Variants in HS6ST1 observed in about 807,000 individuals in gnomAD.
The protein encoded by HS6ST1 is heparan sulfate 6-O-sulfotransferase 1, also known as heparan-sulfate 6-O-sulfotransferase 1.
HS6ST1 carries 3 observed loss-of-function variants against 25.2 expected under a neutral mutation model. The observed-to-expected ratio is 0.12, with a 90% confidence interval of 0.05 to 0.31. HS6ST1 has a LOEUF of 0.31. HS6ST1 is among the 10% of genes least tolerant of loss of function. The pLI is 1.00. For missense variants in HS6ST1, 310 were observed against 609.6 expected (o/e 0.51, Z 5.18); for synonymous variants, 204 against 275.1 (o/e 0.74, Z 2.56).
chr2:128,315,023 T>G (rs1321903837), intron 1 of HS6ST1, among the ~76,000 whole-genome samples: 1 of 151,954 alleles, frequency 6.6e-6, no homozygotes, highest in Admixed American at 6.6e-5. Flanking sequence ...TCTAACCGAG[T>G]GGTCCCTGGA....
At chr2:128,310,952 G>A (rs1044159472) in intron 1 of HS6ST1, among the ~76,000 whole-genome samples, 1 of 151,970 alleles carries the variant, frequency 6.6e-6, no homozygotes. Context: ...GCGGGGTCTC[G>A]CATGATGTGT....
At chr2:128,274,480 G>C (rs1693660442) in intron 1 of HS6ST1, among the ~76,000 whole-genome samples, 1 of 152,156 alleles carries the variant, frequency 6.6e-6, no homozygotes, top group African/African-American at 2.4e-5. Flanking sequence ...CAAAGACTTA[G>C]GAAATTTACC....
chr2:128,298,585 C>T (rs897005084), intron 1 of HS6ST1, among the ~76,000 whole-genome samples: 9 of 152,180 alleles, frequency 5.9e-5, no homozygotes, highest in Non-Finnish European at 1.3e-4. Context: ...TATAATTCCA[C>T]TTAAATCCGC....
chr2:128,301,841 G>T (rs1474844509), intron 1 of HS6ST1, among the ~76,000 whole-genome samples: 1 of 152,198 alleles, frequency 6.6e-6, no homozygotes. Context: ...GGCAGCATGT[G>T]TTCCTGGGCC....
intron 1 of HS6ST1, among the ~76,000 whole-genome samples, chr2:128,306,586 C>T (rs1033286101): frequency 3.9e-5 from 6 of 152,184 alleles, no homozygotes; most frequent in Admixed American, 6.5e-5. Flanking sequence ...TCCTGCAAGC[C>T]CTGCAGCAGA....
chr2:128,282,982 C>A (rs1381521389), intron 1 of HS6ST1, among the ~76,000 whole-genome samples: 1 of 152,206 alleles, frequency 6.6e-6, no homozygotes, highest in African/African-American at 2.4e-5. Flanking sequence ...TCCATCCTCA[C>A]TGCCAGGGGG....
chr2:128,311,645 G>A (rs1384343788), intron 1 of HS6ST1, among the ~76,000 whole-genome samples: 1 of 152,252 alleles, frequency 6.6e-6, no homozygotes, highest in African/African-American at 2.4e-5. Flanking sequence ...ACATGGGATG[G>A]TGATGGCACC....
chr2:128,317,081 C>G (rs992985382), intron 1 of HS6ST1, among the ~76,000 whole-genome samples: 1 of 152,246 alleles, frequency 6.6e-6, no homozygotes, highest in African/African-American at 2.4e-5. Flanking sequence ...AAAGGCCCCG[C>G]AGGGCATCCC....
chr2:128,291,157 A>C (rs4662789), intron 1 of HS6ST1, among the ~76,000 whole-genome samples: 29,203 of 152,236 alleles, frequency 0.19, 2,998 homozygotes, highest in Non-Finnish European at 0.22. Context: ...CAATAAAACA[A>C]GGAGGAACTA....
intron 1 of HS6ST1, among the ~76,000 whole-genome samples, chr2:128,291,959 C>T (rs1284637760): frequency 6.6e-6 from 1 of 152,242 alleles, no homozygotes. Flanking sequence ...ACACTCTTCT[C>T]AACGCCAGGG....
At chr2:128,269,542 A>G (rs529856596) in intron 1 of HS6ST1, among the ~76,000 whole-genome samples, 9 of 152,352 alleles carry the variant, frequency 5.9e-5, no homozygotes, top group African/African-American at 2.2e-4. Flanking sequence ...AGCATGAAGC[A>G]TGTCCTTGCC....
At chr2:128,284,479 A>G (rs992340325) in intron 1 of HS6ST1, among the ~76,000 whole-genome samples, 3 of 144,620 alleles carry the variant, frequency 2.1e-5, no homozygotes, top group Non-Finnish European at 4.5e-5. Flanking sequence ...AACGCCTACC[A>G]TACTGTGGAG....
intron 1 of HS6ST1, among the ~76,000 whole-genome samples, chr2:128,281,415 A>G (rs1693783957): frequency 6.6e-6 from 1 of 152,228 alleles, no homozygotes; most frequent in South Asian, 2.1e-4. Flanking sequence ...GAAGACGCCC[A>G]GGAGATGATG....
intron 1 of HS6ST1, among the ~76,000 whole-genome samples, chr2:128,303,132 CCT>C (rs1310201632): frequency 1.3e-5 from 2 of 152,396 alleles, no homozygotes; most frequent in South Asian, 2.1e-4. Flanking sequence ...CTGCCCCACC[CCT>C]GATGCCCAAG....
intron 1 of HS6ST1, among the ~76,000 whole-genome samples, chr2:128,313,539 CATT>C (rs1445038737): frequency 6.6e-6 from 1 of 152,154 alleles, no homozygotes; most frequent in Non-Finnish European, 1.5e-5. Flanking sequence ...ACCAAACAAT[CATT>C]ATAACCACAA....
chr2:128,286,130 C>G (rs1386206633), intron 1 of HS6ST1, among the ~76,000 whole-genome samples: 1 of 152,248 alleles, frequency 6.6e-6, no homozygotes, highest in Non-Finnish European at 1.5e-5. Flanking sequence ...CAGCACCCTG[C>G]AGGGGTGAGG....
chr2:128,314,903 C>G (rs777176113), intron 1 of HS6ST1, among the ~76,000 whole-genome samples: 4 of 152,240 alleles, frequency 2.6e-5, no homozygotes, highest in Non-Finnish European at 5.9e-5. Context: ...TTGACCATGC[C>G]TGTTCTTGCG....
intron 1 of HS6ST1, among the ~76,000 whole-genome samples, chr2:128,286,022 T>G (rs528732413): frequency 6.6e-6 from 1 of 152,328 alleles, no homozygotes; most frequent in Non-Finnish European, 1.5e-5. Context: ...CTGGCCCCTC[T>G]GAGCCCCAGG....
intron 1 of HS6ST1, among the ~76,000 whole-genome samples, chr2:128,298,726 G>A (rs1220891549): frequency 6.6e-6 from 1 of 152,154 alleles, no homozygotes; most frequent in African/African-American, 2.4e-5. Flanking sequence ...TTCTGGAGAC[G>A]GATGATGGTG....
Sources: allele counts gnomAD v4.1 joint callset (sites outside exome capture counted in the v4.1 genomes callset), GRCh38; gene constraint gnomAD v4.1.1; transcripts MANE v1.5; gene names NCBI Gene and HGNC (gene_info 2026-07-23, HGNC 2026-07-21).